The following NDEL1 variants were observed in gnomAD, a reference collection of about 807,000 sequenced individuals.
NDEL1 encodes nuclear distribution protein nudE-like 1.
In NDEL1, 9 loss-of-function variants were observed where a neutral mutation model predicts 45.7. The ratio of observed to expected loss-of-function variants is 0.20; its 90% confidence interval spans 0.12 to 0.34. The LOEUF (loss-of-function observed/expected upper bound fraction) is 0.34, where lower values mean the gene tolerates loss of function less well. NDEL1 is among the 10% of genes least tolerant of loss of function. The pLI is 1.00. For synonymous variants in NDEL1, 133 were observed against 158.6 expected (o/e 0.84, Z 1.21); for missense variants, 306 against 406.2 (o/e 0.75, Z 2.12).
downstream of NDEL1, among the ~76,000 whole-genome samples, chr17:8,471,148 TTTG>T (rs767626889): frequency 9.2e-5 from 14 of 152,132 alleles, no homozygotes; most frequent in African/African-American, 2.4e-4. Flanking sequence ...CTGCAAGTTT[TTTG>T]TTGTTGTTGT....
At chr17:8,414,520 A>G (rs1284628905) in intron 1 of NDEL1, among the ~76,000 whole-genome samples, 2 of 152,092 alleles carry the variant, frequency 1.3e-5, no homozygotes, top group East Asian at 3.9e-4. Flanking sequence ...ACAAAAAATT[A>G]GCCGGGCGTG....
chr17:8,440,147 A>G (rs1461261341), intron 1 of NDEL1, among the ~76,000 whole-genome samples: 1 of 152,238 alleles, frequency 6.6e-6, no homozygotes, highest in Non-Finnish European at 1.5e-5. Flanking sequence ...AGAGGGGCCA[A>G]TAAGCGGGTT....
In NDEL1 at chr17:8,448,599, A is replaced by T. The variant is rs1166085411; in HGVS notation, c.439A>T (p.Ile147Phe). The change falls in exon 5 of 9, where the codon ATT becomes TTT. Residue 147 changes from isoleucine (I) to phenylalanine (F), a missense_variant. By Grantham distance (21) the Ile-to-Phe change is conservative. Coordinates refer to ENST00000334527, the MANE Select transcript of NDEL1 (RefSeq NM_030808.5). ...CTTTGAACAAAGGCTAAACCAGGCCATTGAACGAAATGCATTTTTAGAAAG... is the reference window on the plus strand; with the variant it reads ...CTTTGAACAAAGGCTAAACCAGGCCTTTGAACGAAATGCATTTTTAGAAAG... ...EDFEQRLNQA[I>F]ERNAFLESEL... 1 of 1,614,190 alleles carries T rather than the reference A, an allele frequency of 6.2e-7. No homozygotes were observed. Among genetic ancestry groups the T allele is most frequent in the South Asian group, 1.1e-5 (1 of 91,088 alleles).
At chr17:8,449,437 A>G (rs570086364) in intron 5 of NDEL1, among the ~76,000 whole-genome samples, 4 of 152,298 alleles carry the variant, frequency 2.6e-5, no homozygotes, top group Non-Finnish European at 4.4e-5. Flanking sequence ...CTTCTTAATC[A>G]TTTTAAAGTG....
chr17:8,437,285 G>C (rs1909414158), intron 1 of NDEL1, among the ~76,000 whole-genome samples: 1 of 152,162 alleles, frequency 6.6e-6, no homozygotes, highest in South Asian at 2.1e-4. Flanking sequence ...CCTTTGGCCA[G>C]CCCTGGTTAG....
downstream of NDEL1, among the ~76,000 whole-genome samples, chr17:8,471,928 C>T (rs1479192237): frequency 6.6e-6 from 1 of 152,202 alleles, no homozygotes; most frequent in African/African-American, 2.4e-5. Flanking sequence ...GAGGTCCTTT[C>T]TTGCATTCCT....
At chr17:8,466,761 T>C (rs993281331) in intron 8 of NDEL1, 169 bp from the exon 9 acceptor site, 1 of 639,166 alleles carries the variant, frequency 1.6e-6, no homozygotes, top group Non-Finnish European at 2.7e-6. Context: ...CTCAATTCTC[T>C]AACCAGCTGG....
chr17:8,414,623 C>A (rs1332910478), intron 1 of NDEL1, among the ~76,000 whole-genome samples: 2 of 151,990 alleles, frequency 1.3e-5, no homozygotes, highest in Non-Finnish European at 2.9e-5. Context: ...GCTGAGATCG[C>A]GCCACTGCAC....
chr17:8,434,497 C>G (rs963632009), upstream of NDEL1, among the ~76,000 whole-genome samples: 19 of 151,928 alleles, frequency 1.3e-4, no homozygotes, highest in African/African-American at 4.6e-4. Flanking sequence ...AGCGCCTGGC[C>G]GAAGTCAGGA....
intron 6 of NDEL1, among the ~76,000 whole-genome samples, chr17:8,454,051 A>G (rs1910682860): frequency 6.6e-6 from 1 of 152,198 alleles, no homozygotes; most frequent in African/African-American, 2.4e-5. Flanking sequence ...ATAGACAACT[A>G]TAATTTCTAG....
At position 8,466,967 on chromosome 17, in the gene NDEL1, G is replaced by C; in HGVS notation, c.982G>C (p.Gly328Arg). 1 of 1,614,174 alleles carries C rather than the reference G, an allele frequency of 6.2e-7. No individual in the cohort carries two copies. Among genetic ancestry groups the C allele is most frequent in the Non-Finnish European group, 8.5e-7 (1 of 1,180,034 alleles). ...NGFDPAPPPP[G>R]LGSSRPSSAP... ...CTTTGACCCCGCTCCTCCTCCTCCT[G>C]GTCTGGGCTCCTCGCGTCCATCGTC... Residue 328 changes from glycine (G) to arginine (R), a missense_variant, in exon 9 of 9, where the codon GGT (glycine) becomes CGT (arginine). By Grantham distance (125) the Gly-to-Arg change is moderately radical (BLOSUM62 -2). This residue lies in a region of NDEL1 where 175 missense variants were observed against 205.2 expected (regional missense o/e 0.85). Coordinates refer to ENST00000334527, the MANE Select transcript of NDEL1 (RefSeq NM_030808.5).
intron 5 of NDEL1, among the ~76,000 whole-genome samples, chr17:8,449,242 A>G (rs1016126932): frequency 1.3e-5 from 2 of 152,132 alleles, no homozygotes; most frequent in African/African-American, 4.8e-5. Context: ...TGGCCTCCCA[A>G]AATGCTGGGA....
chr17:8,465,492 G>A lies in NDEL1; in HGVS notation c.945-1438G>A, dbSNP rs1231467045. ...TTTAAACTCCACATATGTACTCTGAGTTTAGTTTCTTTAGACATGAACTTT... is the reference window on the plus strand; with the variant it reads ...TTTAAACTCCACATATGTACTCTGAATTTAGTTTCTTTAGACATGAACTTT... On this transcript the variant is annotated intron_variant, in intron 8 of 8. Coordinates refer to ENST00000334527, the MANE Select transcript of NDEL1 (RefSeq NM_030808.5). This position sits in a 1 kb window ranked among gnomAD's most constrained non-coding sequence, Gnocchi z 4.9. 6.6e-6 allele frequency: 1 copy of A among 152,330 alleles called. No homozygotes were observed. The highest frequency in any genetic ancestry group is 1.5e-5 in the Non-Finnish European group (1 of 68,028). 9.4% of individuals were successfully genotyped at this position (152,330 alleles called of 1,614,324 possible). A position where few individuals can be genotyped will look rare whatever the true frequency, so the allele number is the denominator to read the frequency against.
upstream of NDEL1, chr17:8,431,193 T>A (rs1908992106): frequency 6.6e-6 from 1 of 152,342 alleles, no homozygotes. Flanking sequence ...TTTTTTCCTC[T>A]TGGGATAGGA....
intron 4 of NDEL1, among the ~76,000 whole-genome samples, chr17:8,448,248 G>A (rs1168013157): frequency 1.3e-5 from 2 of 152,192 alleles, no homozygotes; most frequent in Non-Finnish European, 1.5e-5. Context: ...TTCTGAAAAT[G>A]TGTAAACTTG....
At chr17:8,435,832 A>T, upstream of NDEL1, 1 of 441,144 alleles carries the variant, frequency 2.3e-6, no homozygotes, top group Admixed American at 2.4e-5. Context: ...GCTGCCGCGC[A>T]TGCTCCGAGC....
At chr17:8,457,914 G>C (rs1282232195) in intron 7 of NDEL1, among the ~76,000 whole-genome samples, 1 of 152,108 alleles carries the variant, frequency 6.6e-6, no homozygotes. Flanking sequence ...GGTATACTTT[G>C]ATATTTCTGT....
upstream of NDEL1, chr17:8,435,856 GT>G (rs531156241): frequency 9.0e-5 from 40 of 446,372 alleles, no homozygotes; most frequent in East Asian, 2.9e-3. Context: ...GCCCCCGTGC[GT>G]CACAGAATGG....
At chr17:8,436,659 A>G (rs1909365613) in intron 1 of NDEL1, 1 of 152,226 alleles carries the variant, frequency 6.6e-6, no homozygotes. Context: ...TTCTTGCTGT[A>G]AGCCATGAGA....
Sources: gnomAD v4.1 joint callset for allele counts (sites outside exome capture counted in the v4.1 genomes callset) on GRCh38, gnomAD v4.1.1 for gene constraint, gnomAD v4.1.1 regional missense constraint, Gnocchi (gnomAD v3.1) non-coding constraint, MANE v1.5 for transcripts, NCBI Gene and HGNC (gene_info 2026-07-23, HGNC 2026-07-21) for gene names.